Variants in GORAB observed in about 807,000 individuals in gnomAD.
GORAB encodes RAB6-interacting golgin.
GORAB carries 17 observed loss-of-function variants against 29.9 expected under a neutral mutation model. That is an observed-to-expected ratio of 0.57 (90% CI 0.39 to 0.85). The LOEUF (loss-of-function observed/expected upper bound fraction) is 0.85. Ranked by LOEUF, GORAB falls within the 40% of genes least tolerant of loss-of-function variation. The pLI is 0.00. For missense variants in GORAB, 442 were observed against 437.8 expected (o/e 1.01, Z -0.09); for synonymous variants, 183 against 157.2 (o/e 1.16, Z -1.23).
At position 170,552,588 on chromosome 1, in the gene GORAB, T is replaced by G. The variant is rs1415460754; in HGVS notation, c.*126T>G. ...TGATTTTTGAATTCATGATTAGTTT[T>G]AGTAAATTAATAGGTTTGGCCATTC... On this transcript the variant is annotated 3_prime_UTR_variant, in exon 5 of 5. Coordinates refer to ENST00000367763, the MANE Select transcript of GORAB (RefSeq NM_152281.3). 1 of 851,520 alleles carries G rather than the reference T, an allele frequency of 1.2e-6. No homozygotes were observed. Among genetic ancestry groups the G allele is most frequent in the Admixed American group, 1.9e-5 (1 of 53,860 alleles). 52.7% of individuals were successfully genotyped at this position (851,520 alleles called of 1,614,324 possible).
At position 170,553,812 on chromosome 1, in the gene GORAB, A is replaced by G. The variant is rs1014291676; in HGVS notation, c.*1350A>G. 1.1e-5 allele frequency: 5 copies of G among 452,958 alleles called. No individual in the cohort carries two copies. Among genetic ancestry groups the G allele is most frequent in the Admixed American group, 2.4e-5 (1 of 42,404 alleles). 28.1% of individuals were successfully genotyped at this position (452,958 alleles called of 1,614,324 possible). A position where few individuals can be genotyped will look rare whatever the true frequency, so the allele number is the denominator to read the frequency against. On this transcript the variant is annotated 3_prime_UTR_variant, in exon 5 of 5. Transcript: ENST00000367763. ...CATTGTCTAACACACTTCTTTTTCT[A>G]AGGAATAAACAAGTCTGATGTACTT... is the stretch of plus-strand genomic sequence containing the variant.
chr1:170,544,696 A>G lies in GORAB; in HGVS notation c.522-9A>G, dbSNP rs185701616. 8 of 1,613,604 alleles carry G rather than the reference A, an allele frequency of 5.0e-6. No individual in the cohort carries two copies. The South Asian group carries it at 8.8e-5, about 18-fold the overall frequency. The stretch of plus-strand genomic sequence containing the variant: ...TCTTATTTTCCCACTCACATACCTG[A>G]TTTTCTAGATCCAAAAGAACTCAGG... On this transcript the variant is annotated splice_polypyrimidine_tract_variant and intron_variant, in intron 3 of 4. Coordinates refer to ENST00000367763, the MANE Select transcript of GORAB (RefSeq NM_152281.3).
chr1:170,545,113 C>T, intron 4 of GORAB: 1 of 1,118,710 alleles, frequency 8.9e-7, no homozygotes, highest in Non-Finnish European at 1.1e-6. Context: ...GCGAAACCCT[C>T]AGCTATTTAA....
rs1291165772 is a variant in GORAB, at chr1:170,532,206, T to C, written c.-18T>C. 3 of 1,613,564 alleles carry C rather than the reference T, an allele frequency of 1.9e-6. No homozygotes were observed. Among genetic ancestry groups the C allele is most frequent in the Admixed American group, 3.3e-5 (2 of 59,978 alleles). ...TGCGAGATTTGGGCACTTTTGGGGG[T>C]GCCGGTGGCCCGGGCCGATGGCGCA... On this transcript the variant is annotated 5_prime_UTR_variant, in exon 1 of 5. Coordinates refer to ENST00000367763, the MANE Select transcript of GORAB (RefSeq NM_152281.3).
chr1:170,544,253 G>A (rs993559041), intron 3 of GORAB, among the ~76,000 whole-genome samples: 3 of 152,166 alleles, frequency 2.0e-5, no homozygotes, highest in African/African-American at 7.2e-5. Context: ...CTAAGTGGAT[G>A]TTCTCAGATA....
At chr1:170,542,115 C>T (rs976705263) in intron 2 of GORAB, among the ~76,000 whole-genome samples, 4 of 152,162 alleles carry the variant, frequency 2.6e-5, no homozygotes, top group Non-Finnish European at 5.9e-5. Context: ...AATATGACAT[C>T]AGCTACAAAC....
intron 4 of GORAB, among the ~76,000 whole-genome samples, chr1:170,547,253 A>G (rs759458921): frequency 6.6e-5 from 10 of 152,098 alleles, no homozygotes; most frequent in Non-Finnish European, 1.5e-4. Flanking sequence ...TCTTAGTTCT[A>G]TAGTATTTGG....
intron 1 of GORAB, chr1:170,533,758 C>G: frequency 3.1e-6 from 1 of 319,060 alleles, no homozygotes; most frequent in Admixed American, 3.4e-5. Flanking sequence ...ATGGTGAGGA[C>G]CTGAACTTCA....
chr1:170,544,592 TA>T (rs1649638419), intron 3 of GORAB, 112 bp from the exon 4 acceptor site: 1 of 726,248 alleles, frequency 1.4e-6, no homozygotes, highest in South Asian at 2.7e-5. Context: ...TTCTAACTTT[TA>T]AAATATAAAT....
At position 170,544,771 on chromosome 1, in the gene GORAB, T is replaced by C. The variant is rs1222899128; in HGVS notation, c.588T>C (p.Asp196=). 6.2e-7 allele frequency: 1 copy of C among 1,614,092 alleles called. No homozygotes were observed. Among genetic ancestry groups the C allele is most frequent in the Non-Finnish European group, 8.5e-7 (1 of 1,179,922 alleles). The change falls in exon 4 of 5, where the codon GAT becomes GAC. Residue 196 remains aspartate, a synonymous_variant. Coordinates refer to ENST00000367763, the MANE Select transcript of GORAB (RefSeq NM_152281.3). ...TCCAGAAGGAGTTGCAGGCTTTAGA[T>C]GACATGGTGTCAGCTGACATTGGAA... ...KRIQKELQAL[D]DMVSADIGIL...
At chr1:170,550,627 C>T (rs1650047144) in intron 4 of GORAB, among the ~76,000 whole-genome samples, 3 of 152,116 alleles carry the variant, frequency 2.0e-5, no homozygotes, top group South Asian at 4.1e-4. Context: ...AAATGAAAGC[C>T]ATTTATTATT....
At chr1:170,541,633 TA>T (rs1272284067) in intron 2 of GORAB, among the ~76,000 whole-genome samples, 4 of 152,166 alleles carry the variant, frequency 2.6e-5, no homozygotes, top group Non-Finnish European at 1.5e-5. Context: ...GTAATAGGAA[TA>T]AATAGCTTTG....
At chr1:170,539,020 A>G (rs1649223803) in intron 1 of GORAB, 190 bp from the exon 2 acceptor site, 1 of 657,158 alleles carries the variant, frequency 1.5e-6, no homozygotes, top group South Asian at 2.0e-5. Flanking sequence ...AAATATTAAC[A>G]TTATGATCTG....
chr1:170,532,442 A>G (rs914642395), intron 1 of GORAB, 158 bp downstream of exon 1: 12 of 780,936 alleles, frequency 1.5e-5, no homozygotes, highest in Non-Finnish European at 2.1e-5. Flanking sequence ...TCAGAGGAGG[A>G]CTTACTGGGA....
rs572939256 is a variant in GORAB at position 170,534,860 on chromosome 1, G to A, written c.61+2576G>A. Among the ~76,000 whole-genome samples, 5 of 152,318 alleles carry A rather than the reference G, an allele frequency of 3.3e-5. No homozygotes were observed. In the South Asian group the frequency reaches 1.0e-3, roughly 32 times the overall value. On this transcript the variant is annotated intron_variant, in intron 1 of 4. Transcript: ENST00000367763. The stretch of plus-strand genomic sequence containing the variant: ...GTTAAGTGACGTATGATTGTATATA[G>A]TGGGGAGGCGTGGGAATGTGATCAG...
chr1:170,539,458 G>A lies in GORAB; in HGVS notation c.310G>A (p.Glu104Lys), dbSNP rs1247286654. The change falls in exon 2 of 5, where the codon GAA becomes AAA. Residue 104 changes from glutamate (E) to lysine (K), a missense_variant. Transcript: ENST00000367763. ...TGGTGATGGACAACCACAGGGCATT[G>A]AAAGTCAGCCAAAGGAACTGGGACT... ...PVGDGQPQGI[E>K]SQPKELGLEN... The A allele has an allele frequency of 1.9e-6, 3 of 1,613,996 alleles. No individual in the cohort carries two copies. The East Asian group carries it at 6.7e-5, about 36-fold the overall frequency.
intron 4 of GORAB, among the ~76,000 whole-genome samples, chr1:170,548,272 A>G (rs908378160): frequency 1.3e-5 from 2 of 152,200 alleles, no homozygotes; most frequent in Non-Finnish European, 2.9e-5. Context: ...TTCTCTCTCT[A>G]AACTTCCTCT....
chr1:170,540,010 G>A (rs1649316833), intron 2 of GORAB, among the ~76,000 whole-genome samples: 1 of 148,402 alleles, frequency 6.7e-6, no homozygotes, highest in Non-Finnish European at 1.5e-5. Flanking sequence ...CTGTTGCCCA[G>A]GCTGGAGTGC....
At chr1:170,537,591 G>A (rs1423790214) in intron 1 of GORAB, among the ~76,000 whole-genome samples, 7 of 152,146 alleles carry the variant, frequency 4.6e-5, no homozygotes, top group Non-Finnish European at 5.9e-5. Context: ...TTACATAAAA[G>A]TCTAAATTGT....
Sources: gnomAD v4.1 joint callset for allele counts (sites outside exome capture counted in the v4.1 genomes callset) on GRCh38, gnomAD v4.1.1 for gene constraint, MANE v1.5 for transcripts, NCBI Gene and HGNC (gene_info 2026-07-23, HGNC 2026-07-21) for gene names.